The following ZC3HAV1 variants were observed in gnomAD, a reference collection of about 807,000 sequenced individuals.
ZC3HAV1 encodes the protein zinc finger CCCH-type containing, antiviral 1, also known as zinc finger CCCH-type antiviral protein 1.
Under a neutral mutation model 86.6 loss-of-function variants are expected in ZC3HAV1, and 41 were observed. That is an observed-to-expected ratio of 0.47 (90% CI 0.37 to 0.61). ZC3HAV1 has a LOEUF of 0.61. ZC3HAV1 is among the 20% of genes least tolerant of loss of function. The pLI is 0.00. For synonymous variants in ZC3HAV1, 421 were observed against 432.1 expected (o/e 0.97, Z 0.32); for missense variants, 964 against 1,141.1 (o/e 0.84, Z 2.24).
At chr7:139,062,403 C>CCTTA (rs577949142) in intron 8 of ZC3HAV1, among the ~76,000 whole-genome samples, 12 of 152,330 alleles carry the variant, frequency 7.9e-5, no homozygotes, top group South Asian at 2.1e-4. Context: ...CCAGCCTTAG[C>CCTTA]CTTAGTTCTT....
intron 6 of ZC3HAV1, among the ~76,000 whole-genome samples, chr7:139,074,679 G>A (rs138216465): frequency 0.016 from 2,420 of 151,158 alleles, 64 homozygotes; most frequent in African/African-American, 0.056. Flanking sequence ...ATATAAATAT[G>A]TAAATAAATA....
At chr7:139,082,172 G>A (rs975687281) in intron 3 of ZC3HAV1, among the ~76,000 whole-genome samples, 3 of 152,038 alleles carry the variant, frequency 2.0e-5, no homozygotes, top group African/African-American at 7.3e-5. Flanking sequence ...GACTGAAGCA[G>A]AAGAATCACT....
chr7:139,097,424 A>ATTTTTTTTTT (rs1278585081), intron 1 of ZC3HAV1, among the ~76,000 whole-genome samples: 12 of 81,184 alleles, frequency 1.5e-4, no homozygotes, highest in African/African-American at 5.7e-4. Flanking sequence ...ATATATATAT[A>ATTTTTTTTTT]TATATTTTTT....
rs1319891966 is a variant in ZC3HAV1, at chr7:139,109,158, G to T, written c.174C>A (p.Ala58=). ...TGGCCACCACCGATCGGGTGATCCC[G>T]GCCTCGCCGCCGGTCTCCAACACCA... is the stretch of plus-strand genomic sequence containing the variant. ...RFVVLETGGE[A]GITRSVVATT... The change falls in exon 1 of 13, where the codon GCC becomes GCA. Residue 58 remains alanine (A), a synonymous_variant. Transcript: ENST00000242351. 1 of 1,595,540 alleles carries T rather than the reference G, an allele frequency of 6.3e-7. No homozygotes were observed. The highest frequency in any genetic ancestry group is 1.1e-5 in the South Asian group (1 of 88,808).
In ZC3HAV1 at chr7:139,073,980, G is replaced by GA; in HGVS notation, c.1747dup (p.Ser583PhefsTer32). On this transcript the variant is annotated frameshift_variant, in exon 7 of 13. Transcript: ENST00000242351. LOFTEE classifies it high-confidence loss of function. The stretch of plus-strand genomic sequence containing the variant: ...AGTGGAGAGGCGTCGGATGGGAAAG[G>GA]AATCACAACTCATTACCCGAAAATT... The GA allele has an allele frequency of 6.2e-7, 1 of 1,613,830 alleles. No homozygotes were observed. The highest frequency in any genetic ancestry group is 8.5e-7 in the Non-Finnish European group (1 of 1,179,794).
chr7:139,057,820 G>T lies in ZC3HAV1; in HGVS notation c.2097-2525C>A, dbSNP rs1816331868. Among the ~76,000 whole-genome samples the T allele has an allele frequency of 1.4e-4, 3 of 21,552 alleles. 1 individual carries two copies. Among genetic ancestry groups the T allele is most frequent in the Non-Finnish European group, 2.5e-4 (3 of 11,846 alleles). 14.1% of individuals were successfully genotyped at this position (21,552 alleles called of 152,430 possible). On this transcript the variant is annotated intron_variant, in intron 9 of 12. Transcript: ENST00000242351. Reference sequence around the variant, plus strand: ...CTCCCACAGTGCTGGGATTACAGACGTGAGCCACCGCGCCCGGCCAACAAT... The same window carrying T: ...CTCCCACAGTGCTGGGATTACAGACTTGAGCCACCGCGCCCGGCCAACAAT...
chr7:139,096,579 A>G, intron 1 of ZC3HAV1, among the ~76,000 whole-genome samples: 1 of 152,218 alleles, frequency 6.6e-6, no homozygotes, highest in East Asian at 1.9e-4. Flanking sequence ...CTTGGTACCT[A>G]GGATGCCAAA....
chr7:139,099,027 A>C (rs1240293118), intron 1 of ZC3HAV1, among the ~76,000 whole-genome samples: 3 of 152,236 alleles, frequency 2.0e-5, no homozygotes, highest in Non-Finnish European at 2.9e-5. Context: ...CATTATGTAA[A>C]AAGTAGAAAA....
At chr7:139,099,334 A>T (rs576905614) in intron 1 of ZC3HAV1, among the ~76,000 whole-genome samples, 19 of 152,358 alleles carry the variant, frequency 1.2e-4, no homozygotes, top group Non-Finnish European at 5.9e-5. Context: ...TTAGTTACAG[A>T]AGGAACTTCA....
rs1342424852 is a variant in ZC3HAV1 at position 139,089,488 on chromosome 7, CT to C, written c.444+135del. 4.3e-6 allele frequency: 5 copies of C among 1,165,474 alleles called. No individual in the cohort carries two copies. In the African/African-American group the frequency reaches 8.0e-5, roughly 19 times the overall value. 72.2% of individuals were successfully genotyped at this position (1,165,474 alleles called of 1,614,324 possible). A position where few individuals can be genotyped will look rare whatever the true frequency, so the allele number is the denominator to read the frequency against. On this transcript the variant is annotated intron_variant, in intron 2 of 12. Coordinates refer to ENST00000242351, the MANE Select transcript of ZC3HAV1 (RefSeq NM_020119.4). ...GAAATTTCTGGGATCTCTTAGTTCA[CT>C]CAATAACAGCCTCGACTACCACCTG...
chr7:139,076,210 T>C, intron 6 of ZC3HAV1, 76 bp downstream of exon 6: 2 of 1,574,218 alleles, frequency 1.3e-6, no homozygotes. Flanking sequence ...TTTTTCTTTT[T>C]CCCCTGAGCC....
chr7:139,109,134 G>A lies in ZC3HAV1; in HGVS notation c.198C>T (p.Ala66=), dbSNP rs1328684523. The A allele has an allele frequency of 6.3e-7, 1 of 1,591,512 alleles. No individual in the cohort carries two copies. Among genetic ancestry groups the A allele is most frequent in the African/African-American group, 1.3e-5 (1 of 74,628 alleles). The change falls in exon 1 of 13, where the codon GCC becomes GCT. Residue 66 remains alanine, a synonymous_variant. Coordinates refer to ENST00000242351, the MANE Select transcript of ZC3HAV1 (RefSeq NM_020119.4). ...GACGGCAGACCCGGGCTCGAGTGGT[G>A]GCCACCACCGATCGGGTGATCCCGG... ...GEAGITRSVV[A]TTRARVCRRK...
chr7:139,074,097 C>G (rs1584854260), intron 6 of ZC3HAV1, 67 bp from the exon 7 acceptor site: 12 of 1,462,478 alleles, frequency 8.2e-6, no homozygotes, highest in South Asian at 1.3e-5. Flanking sequence ...ATCTCGTCTT[C>G]CCTAATGAGA....
chr7:139,053,858 G>T, intron 11 of ZC3HAV1, 107 bp downstream of exon 11: 2 of 1,284,174 alleles, frequency 1.6e-6, no homozygotes, highest in Non-Finnish European at 2.1e-6. Context: ...GCGCCTAAAG[G>T]AACTGTTAAC....
At position 139,061,077 on chromosome 7, in the gene ZC3HAV1, A is replaced by C. The variant is rs1277466434; in HGVS notation, c.2055T>G (p.Phe685Leu). ...TQKDVIRRPTFVPQWYVQQMK... is the reference protein window; with the variant it reads ...TQKDVIRRPTLVPQWYVQQMK... ...TCTGCTGCACATACCACTGAGGCAC[A>C]AATGTTGGTCTTCTGATGACATCCT... Residue 685 changes from phenylalanine to leucine, a missense_variant, in exon 9 of 13, where the codon TTT becomes TTG. By Grantham distance (22) the Phe-to-Leu change is conservative (BLOSUM62 0). Transcript: ENST00000242351. 2.0e-5 allele frequency: 32 copies of C among 1,613,744 alleles called. No individual in the cohort carries two copies. Among genetic ancestry groups the C allele is most frequent in the Non-Finnish European group, 2.7e-5 (32 of 1,180,010 alleles).
rs1226874831 is a variant in ZC3HAV1, at chr7:139,084,050, A to G, written c.445-18T>C. ...TTGCATATCTACAGAAGGGAGAAACAACAGCCAGAGTCAAAACACCTTCTT... is the reference window on the plus strand; with the variant it reads ...TTGCATATCTACAGAAGGGAGAAACGACAGCCAGAGTCAAAACACCTTCTT... On this transcript the variant is annotated intron_variant, in intron 2 of 12. Transcript: ENST00000242351. 1.2e-6 allele frequency: 2 copies of G among 1,606,010 alleles called. No individual in the cohort carries two copies. Among genetic ancestry groups the G allele is most frequent in the Admixed American group, 1.7e-5 (1 of 59,852 alleles).
At chr7:139,057,589 A>C (rs1322947868) in intron 9 of ZC3HAV1, among the ~76,000 whole-genome samples, 1 of 69,414 alleles carries the variant, frequency 1.4e-5, no homozygotes, top group Non-Finnish European at 2.6e-5. Context: ...CCCAGGCTGG[A>C]GTGCAGTGGC....
intron 1 of ZC3HAV1, among the ~76,000 whole-genome samples, chr7:139,092,511 A>G (rs1054002875): frequency 2.6e-5 from 4 of 152,260 alleles, no homozygotes; most frequent in Non-Finnish European, 5.9e-5. Context: ...AGCCAAGCCT[A>G]CGGCACCTCT....
intron 9 of ZC3HAV1, among the ~76,000 whole-genome samples, chr7:139,056,249 C>T (rs1816277233): frequency 6.6e-6 from 1 of 152,092 alleles, no homozygotes; most frequent in South Asian, 2.1e-4. Context: ...CTCCTGAGCC[C>T]AAGTGATCCT....
Sources: allele counts gnomAD v4.1 joint callset (sites outside exome capture counted in the v4.1 genomes callset), GRCh38; gene constraint gnomAD v4.1.1; transcripts MANE v1.5; gene names NCBI Gene and HGNC (gene_info 2026-07-23, HGNC 2026-07-21).